Variants in MTR observed in about 807,000 individuals in gnomAD.
MTR encodes the protein methionine synthase.
MTR carries 84 observed loss-of-function variants against 154.8 expected under a neutral mutation model. The ratio of observed to expected loss-of-function variants is 0.54; its 90% CI spans 0.45 to 0.65. The LOEUF is 0.65. Among genes scored for constraint, MTR ranks in the 30% least tolerant of loss-of-function variants. MTR has a pLI of 0.00. For missense variants in MTR, 1,275 were observed against 1,570.2 expected, an observed-to-expected ratio of 0.81 and a Z score of 3.18; for synonymous variants, 554 against 553.9, an observed-to-expected ratio of 1.00 and a Z score of 0.00.
Position 236,874,717 on chromosome 1 carries a change from A to AT in MTR, c.2474-9_2474-8insT. ...TTTGTCCTTTTTTTTTTAAAAAAAA[A>AT]AAAAATAGATATAATTGGCCTGTCA... is the stretch of plus-strand genomic sequence containing the variant. On this transcript the variant is annotated splice_polypyrimidine_tract_variant and intron_variant, in intron 23 of 32. Transcript: ENST00000366577. 6.4e-7 allele frequency: 1 copy of AT among 1,563,798 alleles called. No homozygotes were observed. The highest frequency in any genetic ancestry group is 2.3e-5 in the East Asian group (1 of 42,728).
chr1:236,838,383 CTG>C, intron 14 of MTR, 29 bp from the exon 15 acceptor site: 5 of 1,611,018 alleles, frequency 3.1e-6, no homozygotes, highest in Admixed American at 1.7e-5. Context: ...CCTGTGGCCT[CTG>C]TGTGATTTTC....
At position 236,816,301 on chromosome 1, in the gene MTR, T is replaced by C. The variant is rs3795707; in HGVS notation, c.670-148T>C. ...TGGCACATGTCTGTTCTGACTATTA[T>C]AGAAAGTGCCCCCTTTGAATTTGAG... On this transcript the variant is annotated intron_variant, in intron 7 of 32. Coordinates refer to ENST00000366577, the MANE Select transcript of MTR (RefSeq NM_000254.3). 3.2e-4 allele frequency: 234 copies of C among 727,650 alleles called. No individual in the cohort carries two copies. In the East Asian group the frequency reaches 5.7e-3, roughly 18 times the overall value. 45.1% of individuals were successfully genotyped at this position (727,650 alleles called of 1,614,324 possible). A position where few individuals can be genotyped will look rare whatever the true frequency, so the allele number is the denominator to read the frequency against.
At chr1:236,795,998 A>G (rs1660362290) in intron 1 of MTR, among the ~76,000 whole-genome samples, 1 of 151,976 alleles carries the variant, frequency 6.6e-6, no homozygotes, top group African/African-American at 2.4e-5. Context: ...CCCGAAACAC[A>G]TTCTTAACGT....
At chr1:236,825,140 A>ATTTTGTTTTTTTTTTTTTTTTTTTTT (rs1662207634) in intron 9 of MTR, among the ~76,000 whole-genome samples, 198 bp from the exon 10 acceptor site, 1 of 114,146 alleles carries the variant, frequency 8.8e-6, no homozygotes, top group Non-Finnish European at 1.7e-5. Context: ...TTCCTCTGTG[A>ATTTTGTTTTTTTTTTTTTTTTTTTTT]TTTTTTTTTT....
At chr1:236,853,177 G>A in intron 18 of MTR, 89 bp downstream of exon 18, 4 of 1,406,102 alleles carry the variant, frequency 2.8e-6, no homozygotes. Context: ...TGGTGGAATA[G>A]AAGCAAATAT....
In MTR at chr1:236,795,396, T is replaced by C; in HGVS notation, c.-308T>C. The C allele has an allele frequency of 7.0e-7, 1 of 1,431,494 alleles. No homozygotes were observed. 88.7% of individuals were successfully genotyped at this position (1,431,494 alleles called of 1,614,324 possible). On this transcript the variant is annotated 5_prime_UTR_variant, in exon 1 of 33. Transcript: ENST00000366577. ...TTCTCTTGGGTCCTTTTCCGTGCCGTCCCGCGACTCCGCCTCTGGCCGCGC... is the reference window on the plus strand; with the variant it reads ...TTCTCTTGGGTCCTTTTCCGTGCCGCCCCGCGACTCCGCCTCTGGCCGCGC...
chr1:236,874,742 A>G lies in MTR; in HGVS notation c.2490A>G (p.Ser830=). The G allele has an allele frequency of 6.2e-7, 1 of 1,607,298 alleles. No homozygotes were observed. Among genetic ancestry groups the G allele is most frequent in the Non-Finnish European group, 8.5e-7 (1 of 1,175,394 alleles). ...LDHKADIIGL[S]GLITPSLDEM... is the part of the protein sequence containing the mutation. ...AAAAAATAGATATAATTGGCCTGTC[A>G]GGACTCATCACTCCTTCCCTGGATG... The change falls in exon 24 of 33, where the codon TCA becomes TCG. Residue 830 remains serine, a synonymous_variant. Transcript: ENST00000366577.
rs142535368 is a variant in MTR at position 236,817,912 on chromosome 1, C to G, written c.764+1369C>G. ...CTTATGAGTTTTTCCTGAGCAGTCT[C>G]TTCATCTTTATTTCTGTAGTGTTTA... is the stretch of plus-strand genomic sequence containing the variant. On this transcript the variant is annotated intron_variant, in intron 8 of 32. Transcript: ENST00000366577. Among the ~76,000 whole-genome samples, 136 of 152,202 alleles carry G rather than the reference C, an allele frequency of 8.9e-4. 1 individual carries two copies. Among genetic ancestry groups the G allele is most frequent in the African/African-American group, 2.8e-3 (116 of 41,536 alleles).
At chr1:236,814,374 A>C (rs1230206508) in intron 6 of MTR, among the ~76,000 whole-genome samples, 1 of 152,208 alleles carries the variant, frequency 6.6e-6, no homozygotes, top group African/African-American at 2.4e-5. Flanking sequence ...CAGATTAGAA[A>C]TAAGAGGGAT....
intron 21 of MTR, among the ~76,000 whole-genome samples, chr1:236,862,990 A>C (rs905958703): frequency 6.6e-6 from 1 of 151,924 alleles, no homozygotes; most frequent in Non-Finnish European, 1.5e-5. Context: ...GTAGTGGGGG[A>C]TGCTAACTGT....
rs1572240244 is a variant in MTR, at chr1:236,838,331, A to C, written c.1330-83A>C. The C allele has an allele frequency of 2.9e-6, 4 of 1,368,098 alleles. No individual in the cohort carries two copies. In the East Asian group the frequency reaches 9.1e-5, roughly 31 times the overall value. The allele number at this position is 1,368,098 out of a possible 1,614,324, so 84.7% of individuals were successfully genotyped here. A position where few individuals can be genotyped will look rare whatever the true frequency, so the allele number is the denominator to read the frequency against. On this transcript the variant is annotated intron_variant, in intron 14 of 32. Transcript: ENST00000366577. The stretch of plus-strand genomic sequence containing the variant: ...TGTTTATTGTTTTGCTAAAGAAGAA[A>C]TAGGGAATACTTTGGAGCCTTTGAA...
In MTR at chr1:236,803,451, G is replaced by A; in HGVS notation, c.58G>A (p.Asp20Asn). 2.5e-6 allele frequency: 4 copies of A among 1,614,078 alleles called. No individual in the cohort carries two copies. Among genetic ancestry groups the A allele is most frequent in the Non-Finnish European group, 2.5e-6 (3 of 1,179,998 alleles). ...AGAAGGTCTGAAGAAAACCCTGCGG[G>A]ATGAGATCAATGCCATTCTGCAGAA... is the stretch of plus-strand genomic sequence containing the variant. The part of the protein sequence containing the change: ...QPEGLKKTLR[D>N]EINAILQKRI... The change falls in exon 2 of 33, where the codon GAT (aspartate) becomes AAT (asparagine). Residue 20 changes from aspartate to asparagine, a missense_variant. Physicochemically the swap from Asp to Asn is conservative, Grantham distance 23. Transcript: ENST00000366577.
intron 22 of MTR, among the ~76,000 whole-genome samples, chr1:236,867,005 G>T (rs1664857839): frequency 6.6e-6 from 1 of 152,228 alleles, no homozygotes; most frequent in African/African-American, 2.4e-5. Flanking sequence ...TGCAGGTGCT[G>T]ATGGAGAAGC....
intron 4 of MTR, 65 bp from the exon 5 acceptor site, chr1:236,810,438 A>G (rs753736099): frequency 4.7e-6 from 6 of 1,268,786 alleles, no homozygotes; most frequent in East Asian, 4.6e-5. Flanking sequence ...CTTATTGGCT[A>G]TTCATTCACG....
chr1:236,810,831 T>C (rs1661261337), intron 5 of MTR, among the ~76,000 whole-genome samples: 1 of 152,226 alleles, frequency 6.6e-6, no homozygotes. Context: ...GGTGTGTTAA[T>C]GCTGCTTTGT....
Position 236,837,415 on chromosome 1 carries a change from C to A in MTR, c.1330-999C>A, listed in dbSNP as rs143300259. Among the ~76,000 whole-genome samples, 370 of 152,272 alleles carry A rather than the reference C, an allele frequency of 2.4e-3. 2 individuals carry two copies. Among genetic ancestry groups the A allele is most frequent in the African/African-American group, 7.9e-3 (328 of 41,556 alleles). ...TCCATGCTTCATAGACTGGGTGCCC[C>A]TGAAATATGCTTCCATGGCAGTCTG... On this transcript the variant is annotated intron_variant, in intron 14 of 32. Coordinates refer to ENST00000366577, the MANE Select transcript of MTR (RefSeq NM_000254.3).
At position 236,795,615 on chromosome 1, in the gene MTR, C is replaced by T; in HGVS notation, c.-89C>T. Reference sequence around the variant, plus strand: ...GGCCTTGTGTGGCAGGCTCGCCTGGCGCTGGCTGGCGTGGCCCTTGGCCGT... The same window carrying T: ...GGCCTTGTGTGGCAGGCTCGCCTGGTGCTGGCTGGCGTGGCCCTTGGCCGT... On this transcript the variant is annotated 5_prime_UTR_variant, in exon 1 of 33. Transcript: ENST00000366577. The T allele has an allele frequency of 6.2e-7, 1 of 1,603,230 alleles. No individual in the cohort carries two copies. The highest frequency in any genetic ancestry group is 8.5e-7 in the Non-Finnish European group (1 of 1,177,794).
intron 8 of MTR, among the ~76,000 whole-genome samples, chr1:236,822,563 G>A (rs1046085093): frequency 2.0e-5 from 3 of 152,040 alleles, no homozygotes; most frequent in African/African-American, 7.2e-5. Context: ...ACCTGCCTTG[G>A]CCTCCCAAAA....
rs1057520933 is a variant in MTR, at chr1:236,889,332, A to T, written c.3003A>T (p.Thr1001=). 1.2e-6 allele frequency: 2 copies of T among 1,614,214 alleles called. No homozygotes were observed. Among genetic ancestry groups the T allele is most frequent in the Non-Finnish European group, 1.7e-6 (2 of 1,180,032 alleles). ...RGFPKIFNDK[T]VGGEARKVYD... The stretch of plus-strand genomic sequence containing the variant: ...TTCCCAAGATATTTAACGACAAAAC[A>T]GTAGGTTAGTGCAGTAAGTCCTTCC... The change falls in exon 28 of 33, where the codon ACA becomes ACT. Residue 1001 remains threonine, a synonymous_variant. Coordinates refer to ENST00000366577, the MANE Select transcript of MTR (RefSeq NM_000254.3).
Sources: allele counts gnomAD v4.1 joint callset (sites outside exome capture counted in the v4.1 genomes callset), GRCh38; gene constraint gnomAD v4.1.1; transcripts MANE v1.5; gene names NCBI Gene and HGNC (gene_info 2026-07-23, HGNC 2026-07-21).